DLGAP1: variants seen among roughly 807,000 people sequenced by gnomAD.
DLGAP1 encodes the protein DLG associated protein 1.
Under a neutral mutation model 90.8 loss-of-function variants are expected in DLGAP1, and 11 were observed. That is an observed-to-expected ratio of 0.12 (90% confidence interval 0.08 to 0.20). The LOEUF is 0.20. Among genes scored for constraint, DLGAP1 ranks in the 10% least tolerant of loss-of-function variants. The pLI is 1.00. For missense variants in DLGAP1, 1,050 were observed against 1,333.8 expected, an observed-to-expected ratio of 0.79 and a Z score of 3.31; for synonymous variants, 558 against 540.7, an observed-to-expected ratio of 1.03 and a Z score of -0.44.
chr18:3,839,823 C>CCA (rs2068613304), intron 4 of DLGAP1, among the ~76,000 whole-genome samples: 1 of 152,236 alleles, frequency 6.6e-6, no homozygotes, highest in Non-Finnish European at 1.5e-5. Context: ...AGATTCATGC[C>CCA]TGGTTGCCCA....
At chr18:4,269,649 C>T (rs1404974298) in intron 1 of DLGAP1, among the ~76,000 whole-genome samples, 2 of 152,006 alleles carry the variant, frequency 1.3e-5, no homozygotes, top group Non-Finnish European at 2.9e-5. Flanking sequence ...CCACCGCGCC[C>T]GGCCATATTC....
chr18:3,535,564 C>T (rs550170135), intron 9 of DLGAP1, among the ~76,000 whole-genome samples: 88 of 151,376 alleles, frequency 5.8e-4, no homozygotes, highest in Admixed American at 5.1e-3. Flanking sequence ...AAACATTAGT[C>T]GGGCGTGGTG....
In DLGAP1 at chr18:3,983,018, C is replaced by CA. The variant is rs561815328; in HGVS notation, c.-73+22097dup. 3.3e-5 allele frequency: 5 copies of CA among 152,098 alleles called. No individual in the cohort carries two copies. The South Asian group carries it at 1.0e-3, about 32-fold the overall frequency. The allele number at this position is 152,098 out of a possible 1,614,324, so 9.4% of individuals were successfully genotyped here. ...ATAACATATCAGGAACAAAGGTTCCCAAAAAACTTGCTTATAGAAAATATT... is the reference window on the plus strand; with the variant it reads ...ATAACATATCAGGAACAAAGGTTCCCAAAAAAACTTGCTTATAGAAAATATT... On this transcript the variant is annotated intron_variant, in intron 3 of 12. Coordinates refer to ENST00000315677, the MANE Select transcript of DLGAP1 (RefSeq NM_004746.4).
intron 1 of DLGAP1, among the ~76,000 whole-genome samples, chr18:4,397,579 T>G (rs1356521670): frequency 6.6e-5 from 10 of 152,236 alleles, no homozygotes; most frequent in African/African-American, 2.4e-4. Context: ...GTATGTTCCT[T>G]ACTCTTTATT....
chr18:4,140,133 T>C (rs1427319594), intron 2 of DLGAP1, among the ~76,000 whole-genome samples: 2 of 152,040 alleles, frequency 1.3e-5, no homozygotes, highest in Non-Finnish European at 2.9e-5. Flanking sequence ...GGACTTACTC[T>C]TGCCATTTTG....
chr18:4,274,484 A>G (rs1053856391), intron 1 of DLGAP1, among the ~76,000 whole-genome samples: 1 of 152,210 alleles, frequency 6.6e-6, no homozygotes, highest in South Asian at 2.1e-4. Flanking sequence ...ACAGTCGAGA[A>G]TTTACTCAAT....
At chr18:3,561,688 C>G (rs2054125729) in intron 9 of DLGAP1, among the ~76,000 whole-genome samples, 1 of 150,756 alleles carries the variant, frequency 6.6e-6, no homozygotes, top group Non-Finnish European at 1.5e-5. Flanking sequence ...ATATTTCACT[C>G]TGTTCTTGCA....
chr18:4,262,916 CTAT>C (rs569714521), intron 1 of DLGAP1, among the ~76,000 whole-genome samples: 23 of 151,844 alleles, frequency 1.5e-4, no homozygotes, highest in East Asian at 5.8e-4. Context: ...ATATTGCCTT[CTAT>C]TATTATTATT....
chr18:4,337,923 G>GTTTT (rs2081107848), intron 1 of DLGAP1, among the ~76,000 whole-genome samples: 1 of 151,674 alleles, frequency 6.6e-6, no homozygotes, highest in African/African-American at 2.4e-5. Flanking sequence ...TTTCCATATT[G>GTTTT]TCTCAACATT....
intron 1 of DLGAP1, among the ~76,000 whole-genome samples, chr18:4,289,153 C>T (rs148162568): frequency 5.3e-4 from 80 of 152,258 alleles, no homozygotes; most frequent in African/African-American, 1.7e-3. Flanking sequence ...GCTCACTCTC[C>T]TAGGAACAAA....
intron 7 of DLGAP1, among the ~76,000 whole-genome samples, chr18:3,615,676 A>G (rs1004788529): frequency 6.6e-6 from 1 of 152,162 alleles, no homozygotes; most frequent in Non-Finnish European, 1.5e-5. Flanking sequence ...CTTGTGCAGT[A>G]GCTAAAATTT....
chr18:4,256,735 A>T (rs777173127), intron 1 of DLGAP1, among the ~76,000 whole-genome samples: 2 of 152,184 alleles, frequency 1.3e-5, no homozygotes, highest in Non-Finnish European at 2.9e-5. Context: ...AACTTTCAGT[A>T]GTGAAACTGT....
chr18:3,544,310 T>A (rs2052884898), intron 9 of DLGAP1, among the ~76,000 whole-genome samples: 1 of 152,028 alleles, frequency 6.6e-6, no homozygotes, highest in African/African-American at 2.4e-5. Flanking sequence ...ATTGCTTGAA[T>A]CCGGGAGGTG....
At chr18:3,824,757 T>A (rs1327354548) in intron 4 of DLGAP1, among the ~76,000 whole-genome samples, 1 of 152,210 alleles carries the variant, frequency 6.6e-6, no homozygotes, top group Admixed American at 6.5e-5. Flanking sequence ...TCCCACTGCA[T>A]CTTGGGGCTG....
chr18:4,311,784 C>T (rs546268276), intron 1 of DLGAP1, among the ~76,000 whole-genome samples: 8 of 152,206 alleles, frequency 5.3e-5, no homozygotes, highest in Admixed American at 2.6e-4. Flanking sequence ...GGCGCAATCT[C>T]GGCTCACTGC....
intron 3 of DLGAP1, among the ~76,000 whole-genome samples, chr18:3,946,649 C>T (rs929154866): frequency 6.6e-6 from 1 of 152,088 alleles, no homozygotes; most frequent in Non-Finnish European, 1.5e-5. Context: ...AGTATTCCCT[C>T]TGTGAAAAAA....
rs150015577 is a variant in DLGAP1 at position 3,952,284 on chromosome 18, G to C, written c.-73+52832C>G. ...TAATGCCAGATGGGAAAATATCAAG[G>C]AAGTTCGCTTTAATCTCCTTAGCTC... On this transcript the variant is annotated intron_variant, in intron 3 of 12. Coordinates refer to ENST00000315677, the MANE Select transcript of DLGAP1 (RefSeq NM_004746.4). Among the ~76,000 whole-genome samples, 10 of 152,252 alleles carry C rather than the reference G, an allele frequency of 6.6e-5. No individual in the cohort carries two copies. In the South Asian group the frequency reaches 2.1e-3, roughly 32 times the overall value.
intron 1 of DLGAP1, among the ~76,000 whole-genome samples, chr18:4,323,649 A>C (rs986826891): frequency 1.1e-4 from 16 of 152,196 alleles, no homozygotes; most frequent in Non-Finnish European, 2.1e-4. Context: ...AAAAAAACAA[A>C]ACAAAACAAA....
intron 2 of DLGAP1, among the ~76,000 whole-genome samples, chr18:4,062,095 C>G (rs1487065313): frequency 6.6e-6 from 1 of 152,062 alleles, no homozygotes; most frequent in Non-Finnish European, 1.5e-5. Context: ...ATTGCTGATC[C>G]TTTGTTTTTC....
Sources: allele counts gnomAD v4.1 joint callset (sites outside exome capture counted in the v4.1 genomes callset), GRCh38; gene constraint gnomAD v4.1.1; transcripts MANE v1.5; gene names NCBI Gene and HGNC (gene_info 2026-07-23, HGNC 2026-07-21).